WWOX: variants seen among roughly 807,000 people sequenced by gnomAD.
The protein encoded by WWOX is WW domain-containing oxidoreductase.
A neutral mutation model predicts 46.2 loss-of-function variants in WWOX; 69 were observed. The ratio of observed to expected loss-of-function variants is 1.49; its 90% CI spans 1.23 to 1.82. The LOEUF (loss-of-function observed/expected upper bound fraction) is 1.82, where lower values mean the gene tolerates loss of function less well. Ranked by LOEUF, WWOX falls within the 40% of genes most tolerant of loss-of-function variation. The probability of loss-of-function intolerance (pLI) is 0.00; values close to 1 mark genes in which losing one functional copy is unlikely to be tolerated. For synonymous variants in WWOX, 359 were observed against 202.6 expected (o/e 1.77, Z -6.56); for missense variants, 919 against 542.6 (o/e 1.69, Z -6.89).
At chr16:78,895,432 T>A (rs1346680495) in intron 8 of WWOX, 1 of 152,258 alleles carries the variant, frequency 6.6e-6, no homozygotes. Context: ...CATGCTTCTT[T>A]CTGTTCTGCC....
intron 8 of WWOX, among the ~76,000 whole-genome samples, chr16:78,443,453 C>T (rs2083490303): frequency 6.6e-6 from 1 of 152,118 alleles, no homozygotes; most frequent in Non-Finnish European, 1.5e-5. Context: ...AAGAACACAC[C>T]TTAGCTTGGA....
At chr16:78,425,927 C>T (rs2083066083) in intron 7 of WWOX, among the ~76,000 whole-genome samples, 2 of 152,042 alleles carry the variant, frequency 1.3e-5, no homozygotes, top group Non-Finnish European at 1.5e-5. Context: ...CAGAATGAAG[C>T]TTATTTTTTT....
chr16:78,612,916 AGT>A (rs1326592491), intron 8 of WWOX, among the ~76,000 whole-genome samples: 1 of 152,202 alleles, frequency 6.6e-6, no homozygotes, highest in Non-Finnish European at 1.5e-5. Flanking sequence ...AGTAAATTTT[AGT>A]ATGTGTCTCA....
chr16:78,358,743 A>C (rs573263336), intron 5 of WWOX, among the ~76,000 whole-genome samples: 1 of 152,156 alleles, frequency 6.6e-6, no homozygotes, highest in African/African-American at 2.4e-5. Flanking sequence ...AAATGAGTTG[A>C]ATATATACAA....
At chr16:78,474,066 T>C (rs1413199080) in intron 8 of WWOX, among the ~76,000 whole-genome samples, 1 of 152,244 alleles carries the variant, frequency 6.6e-6, no homozygotes, top group African/African-American at 2.4e-5. Flanking sequence ...TGAAGTGACA[T>C]TGAGGACGTC....
chr16:78,877,700 T>A (rs987603707), intron 8 of WWOX, among the ~76,000 whole-genome samples: 2 of 152,196 alleles, frequency 1.3e-5, no homozygotes, highest in Non-Finnish European at 2.9e-5. Flanking sequence ...GTACTGAGAT[T>A]TTTGTCTCTT....
intron 5 of WWOX, among the ~76,000 whole-genome samples, chr16:78,227,431 C>G (rs1316687164): frequency 6.6e-6 from 1 of 152,200 alleles, no homozygotes; most frequent in African/African-American, 2.4e-5. Context: ...GTTTTCATCT[C>G]TGAAAATATC....
chr16:79,210,600 C>T (rs893202764), intron 8 of WWOX, among the ~76,000 whole-genome samples: 2 of 152,196 alleles, frequency 1.3e-5, no homozygotes, highest in African/African-American at 4.8e-5. Flanking sequence ...TTAGTGGATG[C>T]AGCTAGGGCT....
rs776412893 is a variant in WWOX at position 78,344,932 on chromosome 16, C to T, written c.517-41928C>T. On this transcript the variant is annotated intron_variant, in intron 5 of 8. Coordinates refer to ENST00000566780, the MANE Select transcript of WWOX (RefSeq NM_016373.4). ...CATTCTTGATCCTATCACTTCCTTG[C>T]TGCGGGAACTCTGGAAAGTCACTTA... Among the ~76,000 whole-genome samples the T allele has an allele frequency of 1.5e-4, 18 of 120,758 alleles. 5 individuals carry two copies. The highest frequency in any genetic ancestry group is 3.4e-4 in the Non-Finnish European group (17 of 50,614). 79.2% of individuals were successfully genotyped at this position (120,758 alleles called of 152,430 possible). A position where few individuals can be genotyped will look rare whatever the true frequency, so the allele number is the denominator to read the frequency against.
intron 8 of WWOX, among the ~76,000 whole-genome samples, chr16:79,022,093 G>C (rs2047545421): frequency 2.6e-5 from 4 of 152,224 alleles, no homozygotes; most frequent in Admixed American, 2.6e-4. Context: ...CCTCTGGGCA[G>C]AGGAAACCAT....
chr16:78,479,410 A>G (rs990342125), intron 8 of WWOX, among the ~76,000 whole-genome samples: 5 of 152,232 alleles, frequency 3.3e-5, no homozygotes, highest in African/African-American at 9.6e-5. Context: ...CTTTCATTGT[A>G]ATGTTTTAAA....
At chr16:78,857,412 T>C (rs952491648) in intron 8 of WWOX, among the ~76,000 whole-genome samples, 1 of 152,228 alleles carries the variant, frequency 6.6e-6, no homozygotes, top group African/African-American at 2.4e-5. Flanking sequence ...AGAGTTGTCC[T>C]GAATCTGGTC....
At chr16:78,659,200 C>T (rs1299806412) in intron 8 of WWOX, among the ~76,000 whole-genome samples, 1 of 152,006 alleles carries the variant, frequency 6.6e-6, no homozygotes, top group Non-Finnish European at 1.5e-5. Context: ...TATTCTTATC[C>T]TCATTTTACA....
intron 8 of WWOX, among the ~76,000 whole-genome samples, chr16:79,043,959 G>A (rs537444701): frequency 5.3e-5 from 8 of 152,306 alleles, no homozygotes; most frequent in African/African-American, 9.6e-5. Context: ...GTCTTCTGTG[G>A]TTTGGTCCTT....
At chr16:78,170,835 A>G (rs905331399) in intron 5 of WWOX, among the ~76,000 whole-genome samples, 1 of 151,992 alleles carries the variant, frequency 6.6e-6, no homozygotes, top group Admixed American at 6.6e-5. Flanking sequence ...AAGCAGAGAG[A>G]TGAGGGGTAA....
chr16:79,005,831 G>A lies in WWOX; in HGVS notation c.1057-205777G>A, dbSNP rs1334099303. On this transcript the variant is annotated intron_variant, in intron 8 of 8. Coordinates refer to ENST00000566780, the MANE Select transcript of WWOX (RefSeq NM_016373.4). ...GGGACCCTTTCAGGCCACCATATAT[G>A]GATTCCAGAGTGACCAGTAGAACAT... 2.6e-5 allele frequency among the ~76,000 whole-genome samples: 4 copies of A among 152,266 alleles called. No individual in the cohort carries two copies. In the East Asian group the frequency reaches 7.7e-4, roughly 29 times the overall value.
At chr16:79,100,124 C>A (rs1448137662) in intron 8 of WWOX, among the ~76,000 whole-genome samples, 9 of 152,168 alleles carry the variant, frequency 5.9e-5, no homozygotes, top group African/African-American at 2.2e-4. Context: ...TCAATCACAT[C>A]TACAAAATAC....
intron 5 of WWOX, among the ~76,000 whole-genome samples, chr16:78,362,556 C>G (rs1051310111): frequency 1.3e-5 from 2 of 152,066 alleles, no homozygotes; most frequent in African/African-American, 4.8e-5. Context: ...TAGCAGTGAG[C>G]TGAGATGGCA....
At chr16:79,095,803 T>C (rs2049055829) in intron 8 of WWOX, among the ~76,000 whole-genome samples, 1 of 150,960 alleles carries the variant, frequency 6.6e-6, no homozygotes, top group Admixed American at 6.6e-5. Flanking sequence ...CACCCTTGCA[T>C]ACTCCTCCAG....
Sources: gnomAD v4.1 joint callset for allele counts (sites outside exome capture counted in the v4.1 genomes callset) on GRCh38, gnomAD v4.1.1 for gene constraint, MANE v1.5 for transcripts, NCBI Gene and HGNC (gene_info 2026-07-23, HGNC 2026-07-21) for gene names.